CXCL13: variants seen among roughly 807,000 people sequenced by gnomAD.
CXCL13 encodes the protein C-X-C motif chemokine ligand 13.
A neutral mutation model predicts 12.2 loss-of-function variants in CXCL13; 7 were observed. That is an observed-to-expected ratio of 0.57 (90% CI 0.33 to 1.07). CXCL13 has a LOEUF of 1.07. CXCL13 is among the 50% of genes least tolerant of loss of function. The pLI is 0.04. For synonymous variants in CXCL13, 47 were observed against 42.4 expected, an observed-to-expected ratio of 1.11 and a Z score of -0.42; for missense variants, 113 against 127.4, an observed-to-expected ratio of 0.89 and a Z score of 0.55.
chr4:77,535,979 TTTG>T (rs577840252), intron 1 of CXCL13, among the ~76,000 whole-genome samples: 3 of 152,178 alleles, frequency 2.0e-5, no homozygotes, highest in Non-Finnish European at 4.4e-5. Context: ...TTTAGAATAC[TTTG>T]TTGAGCAGTA....
intron 1 of CXCL13, among the ~76,000 whole-genome samples, chr4:77,553,272 T>C (rs374653869): frequency 1.3e-5 from 2 of 152,232 alleles, no homozygotes; most frequent in Non-Finnish European, 2.9e-5. Flanking sequence ...TTCACAGTTC[T>C]GGCTGTGGAA....
At chr4:77,594,903 A>C (rs967097289) in intron 1 of CXCL13, among the ~76,000 whole-genome samples, 2 of 152,220 alleles carry the variant, frequency 1.3e-5, no homozygotes, top group Non-Finnish European at 2.9e-5. Context: ...CATGTATCCC[A>C]GAACTTAAAA....
rs1307578133 is a variant in CXCL13 at position 77,516,914 on chromosome 4, G to C, written c.-43+5126G>C. Among the ~76,000 whole-genome samples the C allele has an allele frequency of 2.6e-5, 4 of 151,888 alleles. No homozygotes were observed. The East Asian group carries it at 7.7e-4, about 29-fold the overall frequency. On this transcript the variant is annotated intron_variant, in intron 1 of 4. Transcript: ENST00000286758. Reference sequence around the variant, plus strand: ...ATTTGATGTTAGGGTGTCAATTTTGGATCTTTCCTGCTTTCTCTTGTGGGC... The same window carrying C: ...ATTTGATGTTAGGGTGTCAATTTTGCATCTTTCCTGCTTTCTCTTGTGGGC...
intron 1 of CXCL13, among the ~76,000 whole-genome samples, chr4:77,533,364 C>A (rs943472732): frequency 1.3e-5 from 2 of 152,202 alleles, no homozygotes; most frequent in African/African-American, 4.8e-5. Context: ...TGGTGAACAG[C>A]AGATGTTGCT....
intron 1 of CXCL13, among the ~76,000 whole-genome samples, chr4:77,551,250 G>A (rs904516791): frequency 1.3e-5 from 2 of 152,196 alleles, no homozygotes; most frequent in Non-Finnish European, 2.9e-5. Flanking sequence ...TTTTGTGGCA[G>A]CAGGTATCAT....
chr4:77,601,015 T>C (rs536817056), upstream of CXCL13, among the ~76,000 whole-genome samples: 37 of 152,324 alleles, frequency 2.4e-4, no homozygotes, highest in African/African-American at 8.4e-4. Context: ...CTTCTTTACC[T>C]GAGGACAGAC....
chr4:77,517,277 T>A (rs1560512220), intron 1 of CXCL13, among the ~76,000 whole-genome samples: 1 of 152,220 alleles, frequency 6.6e-6, no homozygotes, highest in Non-Finnish European at 1.5e-5. Context: ...AAAAAATGTA[T>A]ATTCTGTTGA....
chr4:77,584,396 A>T (rs1726404818), intron 1 of CXCL13, among the ~76,000 whole-genome samples: 2 of 152,138 alleles, frequency 1.3e-5, no homozygotes, highest in African/African-American at 4.8e-5. Context: ...GAGAACAGGG[A>T]AGAAGATCAT....
In CXCL13 at chr4:77,592,885, C is replaced by A. The variant is rs562621951; in HGVS notation, c.-42-12939C>A. ...GGGCCTCATTGTCCCTCAAGATTTA[C>A]ACAAGATTTCTCCAAAACAGGAAGT... On this transcript the variant is annotated intron_variant, in intron 1 of 4. Transcript: ENST00000286758. 3.9e-5 allele frequency among the ~76,000 whole-genome samples: 6 copies of A among 152,288 alleles called. No homozygotes were observed. In the East Asian group the frequency reaches 1.2e-3, roughly 29 times the overall value.
chr4:77,553,349 T>C (rs993763551), intron 1 of CXCL13, among the ~76,000 whole-genome samples: 2 of 152,226 alleles, frequency 1.3e-5, no homozygotes, highest in Non-Finnish European at 2.9e-5. Context: ...TGAGCAGCCA[T>C]GCTGCTGGGT....
chr4:77,528,446 C>T (rs1296554105), intron 1 of CXCL13, among the ~76,000 whole-genome samples: 1 of 152,176 alleles, frequency 6.6e-6, no homozygotes, highest in Non-Finnish European at 1.5e-5. Context: ...CCTGTTGTTT[C>T]CTGACTTTTT....
intron 1 of CXCL13, among the ~76,000 whole-genome samples, chr4:77,538,274 G>C (rs6851296): frequency 0.027 from 4,074 of 152,168 alleles, 187 homozygotes; most frequent in African/African-American, 0.093. Flanking sequence ...GACTGCCTCA[G>C]AGCTCTGTTT....
upstream of CXCL13, among the ~76,000 whole-genome samples, chr4:77,603,280 C>G (rs561548807): frequency 1.3e-5 from 2 of 152,228 alleles, no homozygotes; most frequent in South Asian, 2.1e-4. Context: ...AAGAAATTGA[C>G]CATTCAAAAA....
chr4:77,589,110 A>G (rs1342780972), intron 1 of CXCL13, among the ~76,000 whole-genome samples: 1 of 152,270 alleles, frequency 6.6e-6, no homozygotes, highest in Admixed American at 6.5e-5. Flanking sequence ...GAAATTGTCC[A>G]GAGTTACAGT....
intron 1 of CXCL13, among the ~76,000 whole-genome samples, chr4:77,578,632 G>A (rs1230954712): frequency 1.3e-5 from 2 of 152,134 alleles, no homozygotes; most frequent in Admixed American, 1.3e-4. Context: ...GTGGGGGCCT[G>A]TTAGCAGGAC....
chr4:77,518,843 G>T (rs1017014085), intron 1 of CXCL13, among the ~76,000 whole-genome samples: 1 of 152,200 alleles, frequency 6.6e-6, no homozygotes, highest in East Asian at 1.9e-4. Flanking sequence ...GAGGAACTGC[G>T]ATCCTTTGGA....
At chr4:77,529,988 G>A (rs555885187) in intron 1 of CXCL13, among the ~76,000 whole-genome samples, 24 of 152,274 alleles carry the variant, frequency 1.6e-4, no homozygotes, top group Admixed American at 3.9e-4. Flanking sequence ...AGCATGAAGC[G>A]TTGTTGAATT....
intron 1 of CXCL13, among the ~76,000 whole-genome samples, chr4:77,568,806 A>G (rs539538066): frequency 3.3e-5 from 5 of 152,312 alleles, no homozygotes; most frequent in African/African-American, 9.6e-5. Context: ...TGTGGGTTAC[A>G]GTCCCACCCT....
intron 1 of CXCL13, among the ~76,000 whole-genome samples, chr4:77,598,848 C>A (rs1044391971): frequency 1.3e-5 from 2 of 151,904 alleles, no homozygotes; most frequent in Non-Finnish European, 2.9e-5. Flanking sequence ...TGGAGTCTCA[C>A]CCAGGCTGGA....
Sources: allele counts gnomAD v4.1 joint callset (sites outside exome capture counted in the v4.1 genomes callset), GRCh38; gene constraint gnomAD v4.1.1; transcripts MANE v1.5; gene names NCBI Gene and HGNC (gene_info 2026-07-23, HGNC 2026-07-21).